SPINT2: variants seen among roughly 807,000 people sequenced by gnomAD.
The protein encoded by SPINT2 is serine peptidase inhibitor, Kunitz type 2, also known as kunitz-type protease inhibitor 2.
A neutral mutation model predicts 30.1 loss-of-function variants in SPINT2; 18 were observed. The ratio of observed to expected loss-of-function variants is 0.60; its 90% CI spans 0.41 to 0.89. SPINT2 has a LOEUF of 0.89. SPINT2 is among the 40% of genes least tolerant of loss of function. The pLI is 0.00. For synonymous variants in SPINT2, 139 were observed against 137.9 expected (o/e 1.01, Z -0.05); for missense variants, 276 against 334.3 (o/e 0.83, Z 1.36).
rs186188684 is a variant in SPINT2, at chr19:38,273,907, G to A, written c.106+8909G>A. Among the ~76,000 whole-genome samples the A allele has an allele frequency of 5.9e-5, 9 of 152,142 alleles. No homozygotes were observed. The East Asian group carries it at 1.5e-3, about 26-fold the overall frequency. On this transcript the variant is annotated intron_variant, in intron 1 of 6. Coordinates refer to ENST00000301244, the MANE Select transcript of SPINT2 (RefSeq NM_021102.4). ...TCCTGTCTTCATAAAAAATACAATC[G>A]TAAAGATACAATATCTACTATTTGT...
chr19:38,265,106 T>C (rs1968362628), intron 1 of SPINT2, 108 bp downstream of exon 1: 1 of 919,212 alleles, frequency 1.1e-6, no homozygotes, highest in Admixed American at 2.6e-5. Context: ...TGGGGGCTAC[T>C]TGATGGCGTT....
chr19:38,290,833 G>C lies in SPINT2; in HGVS notation c.592+258G>C. ...TGACTGGGGATGAGGTCTTCCTGTT[G>C]AGCATTTGAGGACTGCTGCACACGG... On this transcript the variant is annotated intron_variant, in intron 6 of 6. Coordinates refer to ENST00000301244, the MANE Select transcript of SPINT2 (RefSeq NM_021102.4). This position sits in a 1 kb window ranked among gnomAD's most constrained non-coding sequence, Gnocchi z 4.3. The C allele has an allele frequency of 1.7e-6, 1 of 586,460 alleles. No individual in the cohort carries two copies. The highest frequency in any genetic ancestry group is 3.1e-6 in the Non-Finnish European group (1 of 323,656). The allele number at this position is 586,460 out of a possible 1,614,324, so 36.3% of individuals were successfully genotyped here. A position where few individuals can be genotyped will look rare whatever the true frequency, so the allele number is the denominator to read the frequency against.
At chr19:38,265,167 T>G (rs1968363319) in intron 1 of SPINT2, among the ~76,000 whole-genome samples, 169 bp downstream of exon 1, 1 of 152,010 alleles carries the variant, frequency 6.6e-6, no homozygotes, top group Non-Finnish European at 1.5e-5. Flanking sequence ...GAAATGAGGT[T>G]TGGGAGCCTT....
intron 6 of SPINT2, 94 bp from the exon 7 acceptor site, chr19:38,291,746 G>A: frequency 6.7e-7 from 1 of 1,491,848 alleles, no homozygotes; most frequent in Non-Finnish European, 9.0e-7. Context: ...TCCTCAGGCT[G>A]AGCCCACCTG....
At chr19:38,273,739 T>A (rs1024665553) in intron 1 of SPINT2, among the ~76,000 whole-genome samples, 1 of 152,212 alleles carries the variant, frequency 6.6e-6, no homozygotes, top group Non-Finnish European at 1.5e-5. Flanking sequence ...CAGGTGAAGA[T>A]AAGACATCAT....
In SPINT2 at chr19:38,290,352, T is replaced by C; in HGVS notation, c.553+72T>C. The C allele has an allele frequency of 6.3e-7, 1 of 1,584,926 alleles. No homozygotes were observed. Among genetic ancestry groups the C allele is most frequent in the Non-Finnish European group, 8.6e-7 (1 of 1,166,096 alleles). On this transcript the variant is annotated intron_variant, in intron 5 of 6. Transcript: ENST00000301244. The surrounding 1 kb of genome is among the most constrained non-coding windows in gnomAD (Gnocchi z 4.3). ...CCGGTCCATCTCCCCATCCCTAAAA[T>C]ATGAAGGCCTTGGAAATGCTGTTCT...
intron 2 of SPINT2, 24 bp from the exon 3 acceptor site, chr19:38,287,852 T>C (rs978259864): frequency 1.2e-6 from 2 of 1,613,976 alleles, no homozygotes; most frequent in East Asian, 4.5e-5. Flanking sequence ...TCTTTCACTG[T>C]GCTGTTTCTT....
intron 1 of SPINT2, among the ~76,000 whole-genome samples, chr19:38,268,262 C>T (rs1323735789): frequency 6.6e-6 from 1 of 152,056 alleles, no homozygotes; most frequent in Non-Finnish European, 1.5e-5. Flanking sequence ...CTGACTCCAA[C>T]CTCTGCAGAC....
At chr19:38,288,966 G>A (rs561644769) in intron 3 of SPINT2, 172 bp from the exon 4 acceptor site, 2 of 660,574 alleles carry the variant, frequency 3.0e-6, no homozygotes, top group East Asian at 2.7e-5. Context: ...CAGTGTGTGC[G>A]TAGAGCCCAT....
intron 1 of SPINT2, among the ~76,000 whole-genome samples, chr19:38,275,306 T>C (rs1968502930): frequency 6.6e-6 from 1 of 152,144 alleles, no homozygotes; most frequent in Non-Finnish European, 1.5e-5. Context: ...ACTCTGTGCA[T>C]TTATAGCCAA....
intron 1 of SPINT2, among the ~76,000 whole-genome samples, chr19:38,281,532 AC>A (rs1330345759): frequency 6.6e-6 from 1 of 152,012 alleles, no homozygotes; most frequent in Non-Finnish European, 1.5e-5. Context: ...CAACATGGTG[AC>A]ACCCCATCTC....
chr19:38,289,550 T>C (rs1014351351), intron 4 of SPINT2: 14 of 230,904 alleles, frequency 6.1e-5, no homozygotes, highest in African/African-American at 3.3e-4. Context: ...AAACATGTAT[T>C]CTTAGTTGGG....
At chr19:38,291,279 A>T (rs1968715156) in intron 6 of SPINT2, 1 of 161,976 alleles carries the variant, frequency 6.2e-6, no homozygotes, top group Admixed American at 5.7e-5. Context: ...CCTGAAGAAA[A>T]GCATCTGAGC....
Position 38,264,993 on chromosome 19 carries a change from T to C in SPINT2, c.101T>C (p.Ile34Thr). ...CTGGCGGCCGACCGAGAACGCAGCA[T>C]CCACGGTGAGGGCCGGGCGGGTAGG... Reference protein sequence around the residue: ...GVLAADRERSIHDFCLVSKVV... With the variant: ...GVLAADRERSTHDFCLVSKVV... The change falls in exon 1 of 7, where the codon ATC becomes ACC. Residue 34 changes from isoleucine to threonine, a missense_variant. Physicochemically the swap from Ile to Thr is moderately conservative, Grantham distance 89. Transcript: ENST00000301244. The C allele has an allele frequency of 6.6e-7, 1 of 1,511,870 alleles. No individual in the cohort carries two copies. Among genetic ancestry groups the C allele is most frequent in the African/African-American group, 1.4e-5 (1 of 70,650 alleles). The allele number at this position is 1,511,870 out of a possible 1,614,324, so 93.7% of individuals were successfully genotyped here.
At chr19:38,279,109 A>G (rs1968551461) in intron 1 of SPINT2, among the ~76,000 whole-genome samples, 1 of 152,094 alleles carries the variant, frequency 6.6e-6, no homozygotes, top group South Asian at 2.1e-4. Flanking sequence ...TAGTAAGGAC[A>G]TGGTTAAATT....
At chr19:38,277,781 T>C (rs1436274490) in intron 1 of SPINT2, among the ~76,000 whole-genome samples, 1 of 152,214 alleles carries the variant, frequency 6.6e-6, no homozygotes, top group African/African-American at 2.4e-5. Context: ...TTTCGGATAA[T>C]GTGTGACTTT....
chr19:38,282,877 G>T (rs555977893), intron 1 of SPINT2, among the ~76,000 whole-genome samples: 3 of 152,218 alleles, frequency 2.0e-5, no homozygotes, highest in Admixed American at 2.0e-4. Context: ...GAGGACTACC[G>T]AGGGTGCTGA....
In SPINT2 at chr19:38,290,388, A is replaced by AG. The variant is rs1253933150; in HGVS notation, c.553+111dup. 1.9e-6 allele frequency: 3 copies of AG among 1,577,290 alleles called. No individual in the cohort carries two copies. The African/African-American group carries it at 4.0e-5, about 21-fold the overall frequency. On this transcript the variant is annotated intron_variant, in intron 5 of 6. Coordinates refer to ENST00000301244, the MANE Select transcript of SPINT2 (RefSeq NM_021102.4). This position sits in a 1 kb window ranked among gnomAD's most constrained non-coding sequence, Gnocchi z 4.3. Reference sequence around the variant, plus strand: ...TGGAAATGCTGTTCTTGGGCCCACCAGGGCAGCAAGGCCTCTAAGCCCCAG... The same window carrying AG: ...TGGAAATGCTGTTCTTGGGCCCACCAGGGGCAGCAAGGCCTCTAAGCCCCAG...
intron 2 of SPINT2, among the ~76,000 whole-genome samples, chr19:38,285,559 G>C (rs1471673334): frequency 2.0e-5 from 3 of 152,074 alleles, no homozygotes; most frequent in East Asian, 3.9e-4. Context: ...TACCCAGGCT[G>C]GTCTCAAACG....
Sources: allele counts gnomAD v4.1 joint callset (sites outside exome capture counted in the v4.1 genomes callset), GRCh38; gene constraint gnomAD v4.1.1; non-coding constraint Gnocchi (gnomAD v3.1); transcripts MANE v1.5; gene names NCBI Gene and HGNC (gene_info 2026-07-23, HGNC 2026-07-21).